The following RDX variants were observed in gnomAD, a reference collection of about 807,000 sequenced individuals.
RDX encodes the protein radixin.
RDX carries 32 observed loss-of-function variants against 83.7 expected under a neutral mutation model. The observed-to-expected ratio is 0.38, with a 90% CI of 0.29 to 0.51. The LOEUF (loss-of-function observed/expected upper bound fraction) is 0.51. Ranked by LOEUF, RDX falls within the 20% of genes least tolerant of loss-of-function variation. RDX has a pLI of 0.87. For synonymous variants in RDX, 229 were observed against 222.7 expected (o/e 1.03, Z -0.25); for missense variants, 600 against 689.9 (o/e 0.87, Z 1.46).
At chr11:110,226,120 C>T (rs189822739), downstream of RDX, among the ~76,000 whole-genome samples, 1 of 151,314 alleles carries the variant, frequency 6.6e-6, no homozygotes, top group Non-Finnish European at 1.5e-5. Context: ...CAAACAATTC[C>T]ATTTCTGGGT....
At chr11:110,220,878 T>TTA (rs1479541555) in intron 14 of RDX, among the ~76,000 whole-genome samples, 2 of 109,338 alleles carry the variant, frequency 1.8e-5, no homozygotes, top group African/African-American at 6.8e-5. Flanking sequence ...ACAGCCTCTG[T>TTA]AAAAAAAAAA....
At chr11:110,295,188 T>C (rs953026575) in intron 1 of RDX, among the ~76,000 whole-genome samples, 1 of 152,108 alleles carries the variant, frequency 6.6e-6, no homozygotes, top group Non-Finnish European at 1.5e-5. Flanking sequence ...TTAGTCTCCT[T>C]TCTCAAATCC....
intron 14 of RDX, among the ~76,000 whole-genome samples, chr11:110,223,025 A>G (rs1864305580): frequency 6.6e-6 from 1 of 152,178 alleles, no homozygotes; most frequent in African/African-American, 2.4e-5. Flanking sequence ...ATGAACGATT[A>G]TATGTCCTTC....
At chr11:110,263,321 C>T (rs1859876951) in intron 5 of RDX, 1 of 151,948 alleles carries the variant, frequency 6.6e-6, no homozygotes, top group South Asian at 2.1e-4. Context: ...AAAACACAGC[C>T]TGCCACTTAC....
intron 3 of RDX, among the ~76,000 whole-genome samples, chr11:110,271,658 CT>C (rs1398553686): frequency 1.3e-5 from 2 of 152,052 alleles, no homozygotes; most frequent in African/African-American, 4.8e-5. Flanking sequence ...TCTCCTTTCC[CT>C]TTTTTTAAAG....
intron 14 of RDX, among the ~76,000 whole-genome samples, chr11:110,203,736 A>G (rs1213022916): frequency 2.0e-5 from 3 of 152,174 alleles, no homozygotes; most frequent in African/African-American, 7.2e-5. Context: ...AAATTAAAAA[A>G]TTAAAGTACA....
At chr11:110,206,805 CAAAG>C (rs1429427218) in intron 14 of RDX, among the ~76,000 whole-genome samples, 3 of 152,064 alleles carry the variant, frequency 2.0e-5, no homozygotes, top group African/African-American at 7.3e-5. Context: ...TCAAAGGTCT[CAAAG>C]AAACTATGTA....
chr11:110,227,014 A>T (rs1182423257), downstream of RDX, among the ~76,000 whole-genome samples: 1 of 152,186 alleles, frequency 6.6e-6, no homozygotes, highest in African/African-American at 2.4e-5. Flanking sequence ...AAAAGTAAAT[A>T]ATTAGGTAAA....
At chr11:110,218,651 C>T (rs1323715340) in intron 14 of RDX, among the ~76,000 whole-genome samples, 2 of 152,208 alleles carry the variant, frequency 1.3e-5, no homozygotes, top group African/African-American at 4.8e-5. Flanking sequence ...CCAAACTTTA[C>T]GTTTTCAATA....
intron 14 of RDX, among the ~76,000 whole-genome samples, chr11:110,206,159 C>T (rs769627173): frequency 4.7e-5 from 7 of 149,290 alleles, no homozygotes; most frequent in Non-Finnish European, 8.9e-5. Flanking sequence ...TGGGAGGCTG[C>T]AGCAGGAGAA....
intron 15 of RDX, among the ~76,000 whole-genome samples, chr11:110,186,088 T>C (rs1862981553): frequency 6.6e-6 from 1 of 152,216 alleles, no homozygotes; most frequent in Non-Finnish European, 1.5e-5. Flanking sequence ...GCTTACACAG[T>C]TGGGAATAGA....
chr11:110,218,017 T>C (rs1322772669), intron 14 of RDX, among the ~76,000 whole-genome samples: 2 of 152,218 alleles, frequency 1.3e-5, no homozygotes, highest in African/African-American at 2.4e-5. Flanking sequence ...TTTGAATGGA[T>C]GACATCACTC....
In RDX at chr11:110,270,234, A is replaced by C. The variant is rs1015953629; in HGVS notation, c.96+2302T>G. ...CATCAGAGTATACTTAAACAAACCT[A>C]AATGGTATAGCCTACTACACACCTA... On this transcript the variant is annotated intron_variant, in intron 3 of 13. Transcript: ENST00000645495. Among the ~76,000 whole-genome samples, 24 of 151,868 alleles carry C rather than the reference A, an allele frequency of 1.6e-4. 1 individual carries two copies. Among genetic ancestry groups the C allele is most frequent in the Non-Finnish European group, 4.4e-5 (3 of 67,970 alleles).
intron 14 of RDX, among the ~76,000 whole-genome samples, chr11:110,214,464 C>T (rs1333439626): frequency 4.3e-4 from 57 of 131,170 alleles, no homozygotes; most frequent in South Asian, 2.8e-3. Flanking sequence ...TTGGAAATAC[C>T]ATTTGACCCA....
intron 5 of RDX, among the ~76,000 whole-genome samples, chr11:110,260,853 CACT>C (rs528050357): frequency 1.1e-4 from 16 of 152,142 alleles, no homozygotes; most frequent in Non-Finnish European, 1.9e-4. Context: ...TATAATAATA[CACT>C]AATACACTAC....
chr11:110,209,970 G>A (rs1379611917), intron 14 of RDX, among the ~76,000 whole-genome samples: 78 of 146,656 alleles, frequency 5.3e-4, no homozygotes, highest in African/African-American at 1.7e-3. Flanking sequence ...CACCAGCAAC[G>A]GAACAAAGCT....
intron 1 of RDX, among the ~76,000 whole-genome samples, chr11:110,286,708 C>G (rs1167024274): frequency 1.3e-5 from 2 of 152,098 alleles, no homozygotes; most frequent in African/African-American, 4.8e-5. Flanking sequence ...CTCCAGAAAC[C>G]AAAATATTCC....
chr11:110,263,941 A>T lies in RDX; in HGVS notation c.467+19T>A. On this transcript the variant is annotated intron_variant, in intron 5 of 13. Transcript: ENST00000645495. ...ATACAATTTTCAGACAATATAATGC[A>T]AACGCATGTTTCACTTACCGCTGGG... 6.2e-7 allele frequency: 1 copy of T among 1,610,078 alleles called. No individual in the cohort carries two copies. Among genetic ancestry groups the T allele is most frequent in the Non-Finnish European group, 8.5e-7 (1 of 1,176,676 alleles).
intron 8 of RDX, 56 bp downstream of exon 8, chr11:110,255,233 G>T: frequency 3.3e-6 from 3 of 910,432 alleles, no homozygotes; most frequent in South Asian, 2.8e-5. Context: ...GTGATATCAT[G>T]GGAAACTAGC....
Sources: allele counts gnomAD v4.1 joint callset (sites outside exome capture counted in the v4.1 genomes callset), GRCh38; gene constraint gnomAD v4.1.1; transcripts MANE v1.5; gene names NCBI Gene and HGNC (gene_info 2026-07-23, HGNC 2026-07-21).